The following C6 variants were observed in gnomAD, a reference collection of about 807,000 sequenced individuals.
The protein encoded by C6 is complement C6, also known as complement component C6.
C6 carries 101 observed loss-of-function variants against 112.9 expected under a neutral mutation model. That is an observed-to-expected ratio of 0.89 (90% CI 0.76 to 1.06). The LOEUF (loss-of-function observed/expected upper bound fraction) is 1.06. Among genes scored for constraint, C6 ranks in the 50% least tolerant of loss-of-function variants. The probability of loss-of-function intolerance (pLI) is 0.00; values close to 1 mark genes in which losing one functional copy is unlikely to be tolerated. For missense variants in C6, 1,202 were observed against 1,104.6 expected (o/e 1.09, Z -1.25); for synonymous variants, 431 against 384.1 (o/e 1.12, Z -1.43).
intron 17 of C6, among the ~76,000 whole-genome samples, chr5:41,145,007 C>T (rs1745685133): frequency 6.6e-6 from 1 of 152,136 alleles, no homozygotes; most frequent in Admixed American, 6.5e-5. Context: ...TAGGTTGAGT[C>T]TATGCCTTTG....
intron 10 of C6, among the ~76,000 whole-genome samples, chr5:41,161,126 T>C (rs1328235449): frequency 1.3e-5 from 2 of 152,162 alleles, no homozygotes; most frequent in African/African-American, 2.4e-5. Context: ...ACAGCTTCTT[T>C]GGAGGCCTTT....
upstream of C6, among the ~76,000 whole-genome samples, chr5:41,217,314 C>T (rs144661884): frequency 1.2e-3 from 179 of 152,228 alleles, no homozygotes; most frequent in African/African-American, 4.1e-3. Flanking sequence ...TTATTGCCCA[C>T]TCTTAGTCCA....
chr5:41,159,506 T>A lies in C6; in HGVS notation c.1685-253A>T, dbSNP rs1214318659. The A allele has an allele frequency of 3.1e-6, 3 of 982,184 alleles. No homozygotes were observed. In the East Asian group the frequency reaches 3.4e-4, roughly 111 times the overall value. The allele number at this position is 982,184 out of a possible 1,614,324, so 60.8% of individuals were successfully genotyped here. On this transcript the variant is annotated intron_variant, in intron 11 of 17. Transcript: ENST00000337836. Reference sequence around the variant, plus strand: ...GCAATCATTATGAATTATTTTCAACTGTTAAGAAACCTCTGTATTCTTGGC... The same window carrying A: ...GCAATCATTATGAATTATTTTCAACAGTTAAGAAACCTCTGTATTCTTGGC...
intron 16 of C6, 33 bp from the exon 17 acceptor site, chr5:41,149,515 T>A: frequency 4.3e-6 from 7 of 1,612,506 alleles, no homozygotes; most frequent in Non-Finnish European, 5.9e-6. Context: ...CATTTCTATA[T>A]GAAGATCAGA....
At position 41,203,108 on chromosome 5, in the gene C6, A is replaced by C; in HGVS notation, c.123T>G (p.Ser41=). The change falls in exon 2 of 18, where the codon TCT becomes TCG. Residue 41 remains serine, a synonymous_variant. Coordinates refer to ENST00000337836, the MANE Select transcript of C6 (RefSeq NM_000065.5). ...QWTSCSKTCN[S]GTQSRHRQIV... ...CCCACCTGTGTCTGCTCTGGGTTCC[A>C]GAATTGCAAGTTTTTGAGCAGCTGG... 1.9e-6 allele frequency: 3 copies of C among 1,614,116 alleles called. No individual in the cohort carries two copies. The highest frequency in any genetic ancestry group is 2.5e-6 in the Non-Finnish European group (3 of 1,179,960).
chr5:41,186,052 C>G lies in C6; in HGVS notation c.726+18G>C, dbSNP rs761907279. On this transcript the variant is annotated intron_variant, in intron 6 of 17. Coordinates refer to ENST00000337836, the MANE Select transcript of C6 (RefSeq NM_000065.5). Reference sequence around the variant, plus strand: ...TCACTGACGGTGTTGGAGTTGCCACCATGCTAGGCTGTCATACCTCAAAGC... The same window carrying G: ...TCACTGACGGTGTTGGAGTTGCCACGATGCTAGGCTGTCATACCTCAAAGC... The G allele has an allele frequency of 5.0e-6, 8 of 1,613,784 alleles. No homozygotes were observed. Among genetic ancestry groups the G allele is most frequent in the Non-Finnish European group, 6.8e-6 (8 of 1,179,816 alleles).
chr5:41,160,610 T>G (rs896910790), intron 10 of C6, among the ~76,000 whole-genome samples: 7 of 152,172 alleles, frequency 4.6e-5, no homozygotes, highest in African/African-American at 1.7e-4. Context: ...ATGGGAGGTG[T>G]TGCTTACTTG....
chr5:41,252,170 G>A (rs572781639), intron 1 of C6, among the ~76,000 whole-genome samples: 1 of 152,322 alleles, frequency 6.6e-6, no homozygotes, highest in South Asian at 2.1e-4. Context: ...AATATAAATA[G>A]ACATTCCTAA....
intron 1 of C6, among the ~76,000 whole-genome samples, chr5:41,251,289 AG>A (rs1426201565): frequency 6.6e-6 from 1 of 152,216 alleles, no homozygotes; most frequent in African/African-American, 2.4e-5. Flanking sequence ...AACAACAAGC[AG>A]GCTGAAAAAT....
chr5:41,195,092 C>T (rs1458752625), intron 5 of C6, among the ~76,000 whole-genome samples: 1 of 152,182 alleles, frequency 6.6e-6, no homozygotes, highest in Admixed American at 6.5e-5. Flanking sequence ...TAAGCTGAGA[C>T]TGGATGGTAA....
intron 1 of C6, among the ~76,000 whole-genome samples, chr5:41,255,372 A>AG (rs1554038284): frequency 0.025 from 3,789 of 151,088 alleles, 158 homozygotes; most frequent in African/African-American, 0.087. Flanking sequence ...AAAAAAAAAA[A>AG]GATAAGAGTC....
At chr5:41,205,641 A>T (rs1017155460) in intron 1 of C6, among the ~76,000 whole-genome samples, 5 of 152,212 alleles carry the variant, frequency 3.3e-5, no homozygotes, top group African/African-American at 1.2e-4. Context: ...GCAGTCTGAG[A>T]TCAAACTGCA....
chr5:41,236,737 T>G (rs1740334323), intron 1 of C6, among the ~76,000 whole-genome samples: 1 of 139,506 alleles, frequency 7.2e-6, no homozygotes, highest in South Asian at 2.5e-4. Flanking sequence ...AGAGCAGAAC[T>G]GAAGGAAATA....
chr5:41,178,034 G>A (rs138549920), intron 7 of C6, among the ~76,000 whole-genome samples: 3 of 152,140 alleles, frequency 2.0e-5, no homozygotes, highest in East Asian at 1.9e-4. Flanking sequence ...GGTCTCAGTC[G>A]TGGAAAATAC....
chr5:41,157,214 A>G (rs1490250269), intron 13 of C6, among the ~76,000 whole-genome samples: 1 of 152,236 alleles, frequency 6.6e-6, no homozygotes, highest in Admixed American at 6.5e-5. Flanking sequence ...ATCCATGAAA[A>G]TGGGAATATA....
intron 1 of C6, among the ~76,000 whole-genome samples, chr5:41,228,866 T>G (rs1739696181): frequency 6.6e-6 from 1 of 152,202 alleles, no homozygotes; most frequent in Admixed American, 6.5e-5. Context: ...TTGCAGGTAT[T>G]TTATGGAAGG....
chr5:41,227,610 T>C (rs925201345), intron 1 of C6, among the ~76,000 whole-genome samples: 2 of 152,098 alleles, frequency 1.3e-5, no homozygotes, highest in African/African-American at 4.8e-5. Flanking sequence ...TAGTTTCAAA[T>C]CTTATGTGTC....
At chr5:41,223,531 A>G (rs1024412058) in intron 1 of C6, among the ~76,000 whole-genome samples, 1 of 152,140 alleles carries the variant, frequency 6.6e-6, no homozygotes, top group Non-Finnish European at 1.5e-5. Flanking sequence ...TCATCAGGTA[A>G]TATGTTTAAT....
rs749341762 is a variant in C6 at position 41,201,700 on chromosome 5, T to G, written c.158A>C (p.Asp53Ala). 2 of 1,613,604 alleles carry G rather than the reference T, an allele frequency of 1.2e-6. No homozygotes were observed. The highest frequency in any genetic ancestry group is 1.7e-6 in the Non-Finnish European group (2 of 1,179,668). The change falls in exon 3 of 18, where the codon GAT becomes GCT. Residue 53 changes from aspartate (D) to alanine (A), a missense_variant. Coordinates refer to ENST00000337836, the MANE Select transcript of C6 (RefSeq NM_000065.5). Reference sequence around the variant, plus strand: ...ACAAAAGTTTTCCTGGTAGTACTTATCTACTACTATTTGTCTGTAACCATG... The same window carrying G: ...ACAAAAGTTTTCCTGGTAGTACTTAGCTACTACTATTTGTCTGTAACCATG... Reference protein sequence around the residue: ...TQSRHRQIVVDKYYQENFCEQ... With the variant: ...TQSRHRQIVVAKYYQENFCEQ...
Sources: gnomAD v4.1 joint callset for allele counts (sites outside exome capture counted in the v4.1 genomes callset) on GRCh38, gnomAD v4.1.1 for gene constraint, MANE v1.5 for transcripts, NCBI Gene and HGNC (gene_info 2026-07-23, HGNC 2026-07-21) for gene names.